Variants in STARD13 observed in about 807,000 individuals in gnomAD.
The protein encoded by STARD13 is StAR related lipid transfer domain containing 13, also known as stAR-related lipid transfer protein 13.
In STARD13, 62 loss-of-function variants were observed where a neutral mutation model predicts 106.4. The observed-to-expected ratio is 0.58, with a 90% CI of 0.48 to 0.72. The LOEUF (loss-of-function observed/expected upper bound fraction) is 0.72, where lower values mean the gene tolerates loss of function less well. Among genes scored for constraint, STARD13 ranks in the 30% least tolerant of loss-of-function variants. STARD13 has a pLI of 0.00. For synonymous variants in STARD13, 565 were observed against 553.0 expected, an observed-to-expected ratio of 1.02 and a Z score of -0.31; for missense variants, 1,387 against 1,424.0, an observed-to-expected ratio of 0.97 and a Z score of 0.42.
At chr13:33,519,205 A>G in the STARD13 span, among the ~76,000 whole-genome samples, 1 of 86,832 alleles carries the variant, frequency 1.2e-5, no homozygotes, top group South Asian at 3.9e-4. Context: ...CCTCTTGGTA[A>G]TTTTTTCTTT....
chr13:33,544,633 G>GA, the STARD13 span, among the ~76,000 whole-genome samples: 3 of 151,348 alleles, frequency 2.0e-5, no homozygotes, highest in African/African-American at 2.4e-5. Flanking sequence ...GTGAAAAGAA[G>GA]AAAAAAAAGA....
At chr13:33,604,530 C>T in the STARD13 span, among the ~76,000 whole-genome samples, 1 of 152,184 alleles carries the variant, frequency 6.6e-6, no homozygotes, top group Non-Finnish European at 1.5e-5. Context: ...GGTGCAGTGG[C>T]TCATGCCTGT....
At chr13:33,475,799 T>C in the STARD13 span, among the ~76,000 whole-genome samples, 1,341 of 151,882 alleles carry the variant, frequency 8.8e-3, 18 homozygotes, top group African/African-American at 0.031. Context: ...CTACTAAAAA[T>C]ACAAAAAGTT....
At chr13:33,648,100 C>T in the STARD13 span, among the ~76,000 whole-genome samples, 4 of 152,044 alleles carry the variant, frequency 2.6e-5, no homozygotes, top group East Asian at 7.7e-4. Context: ...TTCCAACTGC[C>T]TCATGACAAA....
In STARD13 at chr13:33,305,948, A is replaced by C. The variant is rs1892889463; in HGVS notation, c.124+44342T>G. On this transcript the variant is annotated intron_variant, in intron 1 of 5. Transcript: ENST00000567873. ...TGCTATTCCCATTAAACTACCATTGACATTCTTCACAGAATTAGAAAAAAC... is the reference window on the plus strand; with the variant it reads ...TGCTATTCCCATTAAACTACCATTGCCATTCTTCACAGAATTAGAAAAAAC... Among the ~76,000 whole-genome samples, 3 of 152,238 alleles carry C rather than the reference A, an allele frequency of 2.0e-5. No homozygotes were observed. In the South Asian group the frequency reaches 6.2e-4, roughly 32 times the overall value.
chr13:33,168,075 T>G (rs1883540564), intron 1 of STARD13, among the ~76,000 whole-genome samples: 1 of 152,020 alleles, frequency 6.6e-6, no homozygotes, highest in Admixed American at 6.6e-5. Flanking sequence ...TTGGGATAAC[T>G]TTAAGAAAGA....
chr13:33,353,242 G>A (rs1165686743), upstream of STARD13, among the ~76,000 whole-genome samples: 5 of 152,212 alleles, frequency 3.3e-5, no homozygotes, highest in Non-Finnish European at 7.3e-5. Flanking sequence ...CCTGGGAAGA[G>A]AAGTCTTTCC....
chr13:33,666,717 A>G, the STARD13 span, among the ~76,000 whole-genome samples: 5 of 151,976 alleles, frequency 3.3e-5, no homozygotes, highest in African/African-American at 1.2e-4. Flanking sequence ...CAGCCTCCCA[A>G]GTAGCTGGGA....
At chr13:33,257,426 T>C (rs1890421626) in intron 1 of STARD13, among the ~76,000 whole-genome samples, 1 of 152,230 alleles carries the variant, frequency 6.6e-6, no homozygotes, top group Non-Finnish European at 1.5e-5. Flanking sequence ...ATGCCAAGCA[T>C]GGTATATAAA....
the STARD13 span, among the ~76,000 whole-genome samples, chr13:33,385,289 A>G: frequency 1.5e-5 from 2 of 131,992 alleles, no homozygotes; most frequent in Admixed American, 8.2e-5. Context: ...TTGCTCTTAG[A>G]TGCATCCATA....
the STARD13 span, among the ~76,000 whole-genome samples, chr13:33,640,457 T>A: frequency 6.6e-6 from 1 of 152,148 alleles, no homozygotes; most frequent in Non-Finnish European, 1.5e-5. Context: ...CCCTCTTCAC[T>A]CTCCCTCCAG....
intron 1 of STARD13, chr13:33,186,165 C>T: frequency 1.0e-6 from 1 of 952,498 alleles, no homozygotes; most frequent in Non-Finnish European, 1.5e-6. Flanking sequence ...ACTTCCTTTC[C>T]TCATTGTTTT....
At chr13:33,364,867 A>C in the STARD13 span, among the ~76,000 whole-genome samples, 28 of 151,996 alleles carry the variant, frequency 1.8e-4, no homozygotes, top group African/African-American at 3.4e-4. Flanking sequence ...CCAGCCTGGG[A>C]GACAGAGCGA....
At chr13:33,474,172 CA>C in the STARD13 span, among the ~76,000 whole-genome samples, 1 of 152,148 alleles carries the variant, frequency 6.6e-6, no homozygotes, top group African/African-American at 2.4e-5. Flanking sequence ...GATGGAGTTC[CA>C]CGTATCCAGG....
chr13:33,632,735 T>C, the STARD13 span, among the ~76,000 whole-genome samples: 1 of 152,216 alleles, frequency 6.6e-6, no homozygotes, highest in African/African-American at 2.4e-5. Flanking sequence ...AATAAATCAA[T>C]TGGCTACCTA....
intron 3 of STARD13, 46 bp from the exon 4 acceptor site, chr13:33,142,419 A>C: frequency 6.6e-7 from 1 of 1,512,634 alleles, no homozygotes; most frequent in Non-Finnish European, 9.2e-7. Context: ...TAATGAATTT[A>C]AATCTCTCCA....
intron 1 of STARD13, among the ~76,000 whole-genome samples, chr13:33,291,578 T>G (rs1054172671): frequency 2.6e-5 from 4 of 152,196 alleles, no homozygotes; most frequent in African/African-American, 9.6e-5. Context: ...ATTCACTCAT[T>G]CATAAATTTA....
the STARD13 span, among the ~76,000 whole-genome samples, chr13:33,551,089 A>G: frequency 5.3e-5 from 8 of 152,240 alleles, no homozygotes; most frequent in African/African-American, 1.9e-4. Context: ...GAGAATAAGC[A>G]AAACAAAACA....
At chr13:33,585,248 A>G in the STARD13 span, among the ~76,000 whole-genome samples, 1 of 152,250 alleles carries the variant, frequency 6.6e-6, no homozygotes, top group Non-Finnish European at 1.5e-5. Flanking sequence ...AGATAGAATT[A>G]TGATTTGATC....
Sources: gnomAD v4.1 joint callset for allele counts (sites outside exome capture counted in the v4.1 genomes callset) on GRCh38, gnomAD v4.1.1 for gene constraint, MANE v1.5 for transcripts, NCBI Gene and HGNC (gene_info 2026-07-23, HGNC 2026-07-21) for gene names.